The following PFN4 variants were observed in gnomAD, a reference collection of about 807,000 sequenced individuals.
The protein encoded by PFN4 is profilin family member 4.
PFN4 carries 10 observed loss-of-function variants against 16.3 expected under a neutral mutation model. That is an observed-to-expected ratio of 0.61 (90% CI 0.38 to 1.04). The LOEUF is 1.04. Ranked by LOEUF, PFN4 falls within the 50% of genes least tolerant of loss-of-function variation. The pLI is 0.01. For missense variants in PFN4, 136 were observed against 153.6 expected, an observed-to-expected ratio of 0.89 and a Z score of 0.61; for synonymous variants, 54 against 56.9, an observed-to-expected ratio of 0.95 and a Z score of 0.23.
At chr2:24,115,907 C>G (rs1263817804) in intron 4 of PFN4, among the ~76,000 whole-genome samples, 7 of 117,036 alleles carry the variant, frequency 6.0e-5, no homozygotes, top group Non-Finnish European at 1.1e-4. Flanking sequence ...GGTTCCCATG[C>G]AAAAAAAAAA....
intron 4 of PFN4, among the ~76,000 whole-genome samples, chr2:24,116,852 G>C (rs1050518362): frequency 1.3e-5 from 2 of 150,970 alleles, no homozygotes; most frequent in Non-Finnish European, 2.9e-5. Flanking sequence ...ACTTTAGCCT[G>C]GCTGATAGAA....
At chr2:24,116,446 C>A (rs1665919290) in intron 4 of PFN4, among the ~76,000 whole-genome samples, 1 of 152,184 alleles carries the variant, frequency 6.6e-6, no homozygotes, top group Non-Finnish European at 1.5e-5. Flanking sequence ...CCTGCCTCAG[C>A]CTCTTGAGTA....
At chr2:24,121,390 C>G in intron 2 of PFN4, 90 bp from the exon 3 acceptor site, 1 of 1,270,626 alleles carries the variant, frequency 7.9e-7, no homozygotes, top group Middle Eastern at 2.2e-4. Context: ...TTATGGCCTG[C>G]AAGCTAAGAA....
chr2:24,118,636 C>G (rs1453592356), intron 4 of PFN4, among the ~76,000 whole-genome samples: 1 of 152,140 alleles, frequency 6.6e-6, no homozygotes, highest in African/African-American at 2.4e-5. Flanking sequence ...TGAGATCTGA[C>G]TTGGTTCTTT....
chr2:24,122,340 A>T, intron 2 of PFN4, 79 bp downstream of exon 2: 2 of 1,080,194 alleles, frequency 1.9e-6, no homozygotes, highest in Non-Finnish European at 2.8e-6. Context: ...AAAAAAAAAA[A>T]GTCATGTCTG....
intron 4 of PFN4, among the ~76,000 whole-genome samples, chr2:24,117,454 T>G (rs1219343135): frequency 6.6e-6 from 1 of 151,858 alleles, no homozygotes; most frequent in Admixed American, 6.6e-5. Context: ...CTTTTTTTTT[T>G]TTTCTCGAGA....
At position 24,122,432 on chromosome 2, in the gene PFN4, G is replaced by C; in HGVS notation, c.104C>G (p.Ser35Ter). ...KIQERSLCVA[S>*]PGFNVTPSDV... ...GTTTTTTCTTACATTGAAACCTGGT[G>C]ATGCTACACACAAGCTCCGCTCCTG... Residue 35 changes from serine (S) to a stop codon, truncating the protein, a stop_gained, in exon 2 of 5, where the codon TCA becomes TGA. Transcript: ENST00000313213. LOFTEE classifies it high-confidence loss of function. 6.2e-7 allele frequency: 1 copy of C among 1,611,934 alleles called. No homozygotes were observed. Among genetic ancestry groups the C allele is most frequent in the Non-Finnish European group, 8.5e-7 (1 of 1,178,268 alleles).
At chr2:24,118,667 A>C (rs1428779843) in intron 4 of PFN4, among the ~76,000 whole-genome samples, 1 of 152,214 alleles carries the variant, frequency 6.6e-6, no homozygotes, top group Non-Finnish European at 1.5e-5. Context: ...AGGAATTTGC[A>C]GAATAGATGT....
intron 2 of PFN4, 32 bp from the exon 3 acceptor site, chr2:24,121,332 A>G (rs1265115189): frequency 6.3e-7 from 1 of 1,594,956 alleles, no homozygotes; most frequent in South Asian, 1.1e-5. Context: ...AGCAGGAGTC[A>G]GCCAACTATG....
intron 4 of PFN4, among the ~76,000 whole-genome samples, chr2:24,116,019 T>C (rs558710067): frequency 2.6e-5 from 4 of 152,114 alleles, no homozygotes; most frequent in African/African-American, 9.6e-5. Flanking sequence ...CTATATGTAT[T>C]CTATGACCTA....
intron 4 of PFN4, among the ~76,000 whole-genome samples, chr2:24,119,315 G>C (rs1666023451): frequency 6.6e-6 from 1 of 152,164 alleles, no homozygotes; most frequent in African/African-American, 2.4e-5. Flanking sequence ...GCCAGGAAAG[G>C]AAACAGTTTG....
Position 24,115,111 on chromosome 2 carries a change from G to T in PFN4, c.*472C>A, listed in dbSNP as rs1240460548. Among the ~76,000 whole-genome samples, 1 of 152,208 alleles carries T rather than the reference G, an allele frequency of 6.6e-6. No homozygotes were observed. The highest frequency in any genetic ancestry group is 1.5e-5 in the Non-Finnish European group (1 of 68,046). On this transcript the variant is annotated 3_prime_UTR_variant, in exon 5 of 5. Coordinates refer to ENST00000313213, the MANE Select transcript of PFN4 (RefSeq NM_199346.3). Reference sequence around the variant, plus strand: ...ACATGCAGGGAGTTGTATTACAGGAGGGGTAACACTGAGCTCAGGGACTCC... The same window carrying T: ...ACATGCAGGGAGTTGTATTACAGGATGGGTAACACTGAGCTCAGGGACTCC...
At position 24,122,525 on chromosome 2, in the gene PFN4, A is replaced by T. The variant is rs755141571; in HGVS notation, c.11T>A (p.Leu4Ter). 6.2e-7 allele frequency: 1 copy of T among 1,612,800 alleles called. No homozygotes were observed. Among genetic ancestry groups the T allele is most frequent in the Non-Finnish European group, 8.5e-7 (1 of 1,178,832 alleles). The change falls in exon 2 of 5, where the codon TTG becomes TAG. Residue 4 changes from leucine to a stop codon, truncating the protein, a stop_gained. Transcript: ENST00000313213. LOFTEE classifies it high-confidence loss of function. ...GAGGGTGTCTAACAATAAGCTCTGC[A>T]AATGGCTCATGTTCCCTCAACTCTG... MSH[L>*]QSLLLDTLLG...
At chr2:24,122,237 C>T (rs1012260022) in intron 2 of PFN4, among the ~76,000 whole-genome samples, 182 bp downstream of exon 2, 3 of 151,444 alleles carry the variant, frequency 2.0e-5, no homozygotes, top group Non-Finnish European at 4.4e-5. Flanking sequence ...GAGGCTAAGG[C>T]TCAAGAATCG....
In PFN4 at chr2:24,121,224, T is replaced by A; in HGVS notation, c.194A>T (p.Tyr65Phe). 1 of 1,614,224 alleles carries A rather than the reference T, an allele frequency of 6.2e-7. No individual in the cohort carries two copies. The highest frequency in any genetic ancestry group is 1.3e-5 in the African/African-American group (1 of 75,066). ...NPLQARREGL[Y>F]FKGKDYRCVR... The stretch of plus-strand genomic sequence containing the variant: ...ACATCTGTAATCTTTTCCCTTGAAA[T>A]ACAGTCCTTCTCTTCGGGCTTGCAA... The change falls in exon 3 of 5, where the codon TAT becomes TTT. Residue 65 changes from tyrosine (Y) to phenylalanine (F), a missense_variant. Transcript: ENST00000313213.
intron 4 of PFN4, among the ~76,000 whole-genome samples, chr2:24,118,988 C>A (rs771148764): frequency 6.6e-6 from 1 of 152,148 alleles, no homozygotes; most frequent in African/African-American, 2.4e-5. Context: ...TCAACTCTCA[C>A]CGATATAATA....
chr2:24,115,202 T>C lies in PFN4; in HGVS notation c.*381A>G, dbSNP rs373986832. ...CCTGATGGGAGACATCCCTTCATTT[T>C]TCAAGGTTGCTTGCTGCAACCTAAC... On this transcript the variant is annotated 3_prime_UTR_variant, in exon 5 of 5. Coordinates refer to ENST00000313213, the MANE Select transcript of PFN4 (RefSeq NM_199346.3). 4.6e-5 allele frequency among the ~76,000 whole-genome samples: 7 copies of C among 152,320 alleles called. No individual in the cohort carries two copies. In the South Asian group the frequency reaches 6.2e-4, roughly 14 times the overall value.
chr2:24,120,417 C>T (rs1442657673), intron 3 of PFN4, among the ~76,000 whole-genome samples: 1 of 152,178 alleles, frequency 6.6e-6, no homozygotes, highest in Admixed American at 6.5e-5. Flanking sequence ...CCTTGTTAAG[C>T]CTCAGTGTCC....
Position 24,122,503 on chromosome 2 carries a change from G to A in PFN4, c.33C>T (p.Thr11=). The change falls in exon 2 of 5, where the codon ACC becomes ACT. Residue 11 remains threonine (T), a synonymous_variant. Transcript: ENST00000313213. MSHLQSLLLD[T]LLGTKHVDSA... ...TGTCCACATGCTTGGTTCCCAAGAGGGTGTCTAACAATAAGCTCTGCAAAT... is the reference window on the plus strand; with the variant it reads ...TGTCCACATGCTTGGTTCCCAAGAGAGTGTCTAACAATAAGCTCTGCAAAT... 6.2e-7 allele frequency: 1 copy of A among 1,613,968 alleles called. No individual in the cohort carries two copies. Among genetic ancestry groups the A allele is most frequent in the South Asian group, 1.1e-5 (1 of 91,076 alleles).
Sources: allele counts gnomAD v4.1 joint callset (sites outside exome capture counted in the v4.1 genomes callset), GRCh38; gene constraint gnomAD v4.1.1; transcripts MANE v1.5; gene names NCBI Gene and HGNC (gene_info 2026-07-23, HGNC 2026-07-21).